The following ADCK1 variants were observed in gnomAD, a reference collection of about 807,000 sequenced individuals.
The protein encoded by ADCK1 is aarF domain containing kinase 1.
A neutral mutation model predicts 52.3 loss-of-function variants in ADCK1; 41 were observed. The observed-to-expected ratio is 0.78, with a 90% CI of 0.61 to 1.02. The LOEUF (loss-of-function observed/expected upper bound fraction) is 1.02. Ranked by LOEUF, ADCK1 falls within the 50% of genes least tolerant of loss-of-function variation. ADCK1 has a pLI of 0.00. For synonymous variants in ADCK1, 250 were observed against 274.6 expected (o/e 0.91, Z 0.89); for missense variants, 658 against 679.5 (o/e 0.97, Z 0.35).
At chr14:77,812,154 C>T (rs2140008530) in intron 1 of ADCK1, among the ~76,000 whole-genome samples, 1 of 152,254 alleles carries the variant, frequency 6.6e-6, no homozygotes, top group Non-Finnish European at 1.5e-5. Flanking sequence ...CACTTAAGAT[C>T]TGCTCTCTCA....
Position 77,933,480 on chromosome 14 carries a change from A to G in ADCK1, c.*89A>G, listed in dbSNP as rs2084389124. The G allele has an allele frequency of 6.6e-7, 1 of 1,516,928 alleles. No homozygotes were observed. The highest frequency in any genetic ancestry group is 1.4e-5 in the African/African-American group (1 of 72,780). 94.0% of individuals were successfully genotyped at this position (1,516,928 alleles called of 1,614,324 possible). A position where few individuals can be genotyped will look rare whatever the true frequency, so the allele number is the denominator to read the frequency against. ...CACCCAGCTGCTCCATTTTTGCCAC[A>G]TCGTGGCCCGCAGCCCCAGAGTCAC... On this transcript the variant is annotated 3_prime_UTR_variant, in exon 11 of 11. Coordinates refer to ENST00000238561, the MANE Select transcript of ADCK1 (RefSeq NM_020421.4).
chr14:77,870,881 G>A (rs2082761445), intron 4 of ADCK1, among the ~76,000 whole-genome samples: 1 of 152,160 alleles, frequency 6.6e-6, no homozygotes, highest in South Asian at 2.1e-4. Context: ...TCCCCTGCAG[G>A]CCACTCAGGG....
At chr14:77,860,632 C>T (rs1437753521) in intron 4 of ADCK1, among the ~76,000 whole-genome samples, 1 of 152,114 alleles carries the variant, frequency 6.6e-6, no homozygotes, top group Non-Finnish European at 1.5e-5. Flanking sequence ...AAGGTAAACC[C>T]GAACTGTGGC....
At chr14:77,815,281 T>C (rs1463031087) in intron 1 of ADCK1, among the ~76,000 whole-genome samples, 2 of 151,098 alleles carry the variant, frequency 1.3e-5, no homozygotes, top group Non-Finnish European at 2.9e-5. Context: ...ATGGCTCATT[T>C]CAGCCTCGAG....
chr14:77,852,005 A>ATT (rs548879775), intron 3 of ADCK1, among the ~76,000 whole-genome samples: 2 of 147,006 alleles, frequency 1.4e-5, no homozygotes, highest in Non-Finnish European at 1.5e-5. Context: ...TATTTATTTA[A>ATT]TTTTTTTTTT....
In ADCK1 at chr14:77,933,297, T is replaced by G. The variant is rs1393541725; in HGVS notation, c.1478T>G (p.Ile493Ser). The G allele has an allele frequency of 6.2e-7, 1 of 1,614,174 alleles. No individual in the cohort carries two copies. The highest frequency in any genetic ancestry group is 1.3e-5 in the African/African-American group (1 of 75,046). Residue 493 changes from isoleucine (I) to serine (S), a missense_variant, in exon 11 of 11, where the codon ATC (isoleucine) becomes AGC (serine). Transcript: ENST00000238561. ...SFSEAFNLWQ[I>S]NLHELILRVK... Reference sequence around the variant, plus strand: ...AGCGAGGCCTTCAACTTATGGCAGATCAACCTCCATGAGCTCATCCTGCGT... The same window carrying G: ...AGCGAGGCCTTCAACTTATGGCAGAGCAACCTCCATGAGCTCATCCTGCGT...
intron 1 of ADCK1, among the ~76,000 whole-genome samples, chr14:77,817,909 GT>G (rs554171358): frequency 1.3e-4 from 19 of 148,686 alleles, no homozygotes; most frequent in Non-Finnish European, 2.7e-4. Flanking sequence ...CTAATTTTTT[GT>G]TTTTTTTTTA....
At chr14:77,876,443 A>G (rs2082901011) in intron 4 of ADCK1, among the ~76,000 whole-genome samples, 1 of 152,012 alleles carries the variant, frequency 6.6e-6, no homozygotes, top group South Asian at 2.1e-4. Context: ...TCATCTTTCC[A>G]CCTCAAAAGC....
rs764520618 is a variant in ADCK1 at position 77,899,195 on chromosome 14, C to A, written c.678C>A (p.Phe226Leu). The A allele has an allele frequency of 1.2e-6, 2 of 1,614,140 alleles. No homozygotes were observed. The highest frequency in any genetic ancestry group is 1.7e-6 in the Non-Finnish European group (2 of 1,180,024). ...AGAACCTGCCTTTGGAGCTGGATTTCCTCAATGAAGGGAGGAATGCTGAGA... is the reference window on the plus strand; with the variant it reads ...AGAACCTGCCTTTGGAGCTGGATTTACTCAATGAAGGGAGGAATGCTGAGA... ...AKKNLPLELD[F>L]LNEGRNAEKV... The change falls in exon 6 of 11, where the codon TTC becomes TTA. Residue 226 changes from phenylalanine to leucine, a missense_variant. Coordinates refer to ENST00000238561, the MANE Select transcript of ADCK1 (RefSeq NM_020421.4).
intron 7 of ADCK1, among the ~76,000 whole-genome samples, chr14:77,920,872 A>G (rs1336356124): frequency 1.3e-5 from 2 of 151,842 alleles, no homozygotes; most frequent in Non-Finnish European, 2.9e-5. Context: ...CTGGTCTGAA[A>G]CGCCTGTCCT....
At chr14:77,900,086 G>GAA (rs10656507) in intron 6 of ADCK1, among the ~76,000 whole-genome samples, 1 of 142,500 alleles carries the variant, frequency 7.0e-6, no homozygotes, top group Non-Finnish European at 1.5e-5. Flanking sequence ...AAAAAAAAAA[G>GAA]AAAATTCATC....
intron 4 of ADCK1, among the ~76,000 whole-genome samples, chr14:77,885,652 T>C (rs7153025): frequency 0.13 from 20,532 of 152,114 alleles, 1,477 homozygotes; most frequent in Middle Eastern, 0.19. Context: ...GAGTGGCTGC[T>C]GCAGTAGCAG....
chr14:77,847,232 C>T (rs1322726841), intron 3 of ADCK1, among the ~76,000 whole-genome samples: 1 of 152,062 alleles, frequency 6.6e-6, no homozygotes, highest in African/African-American at 2.4e-5. Flanking sequence ...AGAGATGAAG[C>T]CGCAGGACAG....
At chr14:77,818,288 C>G (rs895744583) in intron 1 of ADCK1, among the ~76,000 whole-genome samples, 6 of 151,766 alleles carry the variant, frequency 4.0e-5, no homozygotes, top group South Asian at 2.1e-4. Flanking sequence ...TTAGCCCTCT[C>G]TGCTTTTTTT....
intron 3 of ADCK1, among the ~76,000 whole-genome samples, chr14:77,856,264 T>C (rs555918177): frequency 6.6e-6 from 1 of 152,260 alleles, no homozygotes; most frequent in South Asian, 2.1e-4. Context: ...AAAAAAATAC[T>C]CTTATAATTT....
chr14:77,812,694 A>G (rs1226068998), intron 1 of ADCK1, among the ~76,000 whole-genome samples: 1 of 151,904 alleles, frequency 6.6e-6, no homozygotes, highest in African/African-American at 2.4e-5. Flanking sequence ...GGTTCAAGCA[A>G]TTCTCGTGCT....
chr14:77,881,139 T>A (rs1008790612), intron 4 of ADCK1, among the ~76,000 whole-genome samples: 2 of 152,254 alleles, frequency 1.3e-5, no homozygotes, highest in African/African-American at 4.8e-5. Context: ...AAACATTTGT[T>A]ATCTTACAGT....
In ADCK1 at chr14:77,909,459, C is replaced by A. The variant is rs184142249; in HGVS notation, c.858+1540C>A. Among the ~76,000 whole-genome samples, 29 of 152,254 alleles carry A rather than the reference C, an allele frequency of 1.9e-4. No homozygotes were observed. In the East Asian group the frequency reaches 5.6e-3, roughly 29 times the overall value. The stretch of plus-strand genomic sequence containing the variant: ...TGTGAATGCTCTTTTCTATTCCACT[C>A]CCCATGTCCACAGGCAGTGCATGAA... On this transcript the variant is annotated intron_variant, in intron 7 of 10. Transcript: ENST00000238561.
intron 6 of ADCK1, chr14:77,900,508 A>T: frequency 2.3e-6 from 1 of 436,406 alleles, no homozygotes; most frequent in Non-Finnish European, 4.6e-6. Context: ...AATCGCTTGG[A>T]CCCAGGAGGC....
Sources: allele counts gnomAD v4.1 joint callset (sites outside exome capture counted in the v4.1 genomes callset), GRCh38; gene constraint gnomAD v4.1.1; transcripts MANE v1.5; gene names NCBI Gene and HGNC (gene_info 2026-07-23, HGNC 2026-07-21).